Variants in TTC7B observed in about 807,000 individuals in gnomAD.
TTC7B encodes tetratricopeptide repeat domain 7B, also known as tetratricopeptide repeat protein 7B.
A neutral mutation model predicts 106.8 loss-of-function variants in TTC7B; 28 were observed. That is an observed-to-expected ratio of 0.26 (90% CI 0.19 to 0.36). The LOEUF (loss-of-function observed/expected upper bound fraction) is 0.36. TTC7B is among the 10% of genes least tolerant of loss of function. TTC7B has a pLI of 1.00. For missense variants in TTC7B, 862 were observed against 1,076.4 expected (o/e 0.80, Z 2.79); for synonymous variants, 405 against 430.6 (o/e 0.94, Z 0.74).
intron 5 of TTC7B, among the ~76,000 whole-genome samples, chr14:90,703,606 C>T (rs1252592110): frequency 6.6e-6 from 1 of 152,180 alleles, no homozygotes; most frequent in Non-Finnish European, 1.5e-5. Flanking sequence ...AAGACCATTA[C>T]ATGTGCAGGG....
At chr14:90,679,262 C>T (rs575345860) in intron 8 of TTC7B, among the ~76,000 whole-genome samples, 11 of 152,218 alleles carry the variant, frequency 7.2e-5, no homozygotes, top group Non-Finnish European at 1.5e-4. Flanking sequence ...TTGTAAACAT[C>T]AGTGGACCAT....
chr14:90,636,426 G>A (rs1884945062), intron 15 of TTC7B, among the ~76,000 whole-genome samples: 2 of 80,474 alleles, frequency 2.5e-5, no homozygotes, highest in South Asian at 6.3e-4. Flanking sequence ...TAACGATGTG[G>A]TAAAAAAAAA....
In TTC7B at chr14:90,537,375, G is replaced by GGGC. The variant is rs60255117; in HGVS notation, c.*3992_*3993insGCC. The GGGC allele has an allele frequency of 0.67, 90,468 of 135,226 alleles. 31,284 individuals carry two copies. The highest frequency in any genetic ancestry group is 0.76 in the South Asian group (3,304 of 4,338). 8.4% of individuals were successfully genotyped at this position (135,226 alleles called of 1,614,324 possible). The stretch of plus-strand genomic sequence containing the variant: ...CTATTTTTTTTTTTTTGTAGAGATG[G>GGGC]GGGGGGGGTCTCACCATGTTGCCCA... On this transcript the variant is annotated 3_prime_UTR_variant, in exon 20 of 20. Transcript: ENST00000328459.
rs556472307 is a variant in TTC7B at position 90,759,896 on chromosome 14, G to A, written c.446-14974C>T. On this transcript the variant is annotated intron_variant, in intron 3 of 19. Coordinates refer to ENST00000328459, the MANE Select transcript of TTC7B (RefSeq NM_001010854.2). The surrounding 1 kb of genome is among the most constrained non-coding windows in gnomAD (Gnocchi z 4.1). ...TGCAGCAGGCACTGTTGTCCCTGGC[G>A]CACATGCAGGGAGATAAAGCAGGCA... Among the ~76,000 whole-genome samples the A allele has an allele frequency of 3.3e-5, 5 of 152,302 alleles. No homozygotes were observed. The highest frequency in any genetic ancestry group is 2.1e-4 in the South Asian group (1 of 4,826).
intron 9 of TTC7B, among the ~76,000 whole-genome samples, chr14:90,674,379 A>G (rs895043102): frequency 6.6e-6 from 1 of 152,198 alleles, no homozygotes; most frequent in African/African-American, 2.4e-5. Context: ...TACAACATCG[A>G]CCGTTTTAGT....
intron 6 of TTC7B, among the ~76,000 whole-genome samples, chr14:90,694,509 G>A (rs894673334): frequency 6.0e-5 from 9 of 149,394 alleles, no homozygotes; most frequent in South Asian, 2.1e-4. Context: ...TATATGTCAC[G>A]TAAATATCCA....
Position 90,541,412 on chromosome 14 carries a change from T to C in TTC7B, c.2488A>G (p.Ser830Gly). ...CFLTALELEASSPAVPFTIIP... is the reference protein window; with the variant it reads ...CFLTALELEAGSPAVPFTIIP... The stretch of plus-strand genomic sequence containing the variant: ...ATGGTGAAGGGCACGGCGGGGCTGC[T>C]GGCCTCCAGCTCCAAGGCTGTCAGG... The change falls in exon 20 of 20, where the codon AGC becomes GGC. Residue 830 changes from serine (S) to glycine (G), a missense_variant. Ser to Gly is a moderately conservative substitution (Grantham distance 56). Transcript: ENST00000328459. 1 of 1,611,340 alleles carries C rather than the reference T, an allele frequency of 6.2e-7. No homozygotes were observed. The highest frequency in any genetic ancestry group is 1.7e-5 in the Admixed American group (1 of 59,792).
At chr14:90,735,080 C>T (rs1158291209) in intron 4 of TTC7B, among the ~76,000 whole-genome samples, 1 of 152,162 alleles carries the variant, frequency 6.6e-6, no homozygotes, top group African/African-American at 2.4e-5. Flanking sequence ...CACTTAAGGG[C>T]AGGCTCTGTG....
Position 90,676,507 on chromosome 14 carries a change from G to C in TTC7B, c.1152+16C>G, listed in dbSNP as rs1886845295. ...CCACCCACCACCTGGATGTCAACCAGACTCAGCAGCTGTACCTCTGACAGC... is the reference window on the plus strand; with the variant it reads ...CCACCCACCACCTGGATGTCAACCACACTCAGCAGCTGTACCTCTGACAGC... On this transcript the variant is annotated intron_variant, in intron 9 of 19. Transcript: ENST00000328459. 5 of 1,612,588 alleles carry C rather than the reference G, an allele frequency of 3.1e-6. No individual in the cohort carries two copies. The highest frequency in any genetic ancestry group is 1.1e-5 in the South Asian group (1 of 90,978).
chr14:90,737,546 G>GTTTTTTT (rs71461922), intron 4 of TTC7B, among the ~76,000 whole-genome samples: 43 of 91,770 alleles, frequency 4.7e-4, no homozygotes, highest in South Asian at 2.2e-3. Flanking sequence ...GTATGATTCT[G>GTTTTTTT]TTTTTTTTTT....
chr14:90,644,269 A>C, intron 14 of TTC7B, 61 bp from the exon 15 acceptor site: 1 of 1,321,504 alleles, frequency 7.6e-7, no homozygotes, highest in Non-Finnish European at 1.0e-6. Flanking sequence ...ACACACACAC[A>C]CACACACACA....
chr14:90,664,698 C>T (rs544247186), intron 9 of TTC7B, among the ~76,000 whole-genome samples: 6 of 152,298 alleles, frequency 3.9e-5, no homozygotes, highest in South Asian at 2.1e-4. Flanking sequence ...AAGCCCAGCT[C>T]GCAGGGCGTG....
At chr14:90,559,535 C>T (rs906540118) in intron 19 of TTC7B, among the ~76,000 whole-genome samples, 2 of 152,138 alleles carry the variant, frequency 1.3e-5, no homozygotes, top group Admixed American at 6.5e-5. Flanking sequence ...GAAAAGTAGG[C>T]CCTTTCCTTC....
At chr14:90,595,598 G>C (rs1892169741) in intron 17 of TTC7B, among the ~76,000 whole-genome samples, 1 of 152,166 alleles carries the variant, frequency 6.6e-6, no homozygotes, top group South Asian at 2.1e-4. Context: ...TAGTAGCAAT[G>C]AAAGTTAAAT....
intron 15 of TTC7B, among the ~76,000 whole-genome samples, chr14:90,632,328 T>G (rs1884736342): frequency 6.6e-6 from 1 of 152,228 alleles, no homozygotes; most frequent in Non-Finnish European, 1.5e-5. Context: ...CAAAATTGTT[T>G]TAATCACTAA....
At chr14:90,782,592 CTG>C (rs1024884334) in intron 2 of TTC7B, among the ~76,000 whole-genome samples, 2 of 152,090 alleles carry the variant, frequency 1.3e-5, no homozygotes, top group Middle Eastern at 3.2e-3. Context: ...GAGCGAGACT[CTG>C]TCTCAAAAAA....
chr14:90,595,831 G>A (rs1481092921), intron 17 of TTC7B, among the ~76,000 whole-genome samples: 5 of 152,160 alleles, frequency 3.3e-5, no homozygotes, highest in South Asian at 4.1e-4. Flanking sequence ...CCAATGTGCC[G>A]CTAAGACTGA....
In TTC7B at chr14:90,647,030, A is replaced by C; in HGVS notation, c.1518-7T>G. ...GGGTGACAGGCTGTGGGCCCTGAAAAAGTATTTACGGCTATTAGTACATGG... is the reference window on the plus strand; with the variant it reads ...GGGTGACAGGCTGTGGGCCCTGAAACAGTATTTACGGCTATTAGTACATGG... On this transcript the variant is annotated splice_polypyrimidine_tract_variant and splice_region_variant and intron_variant, in intron 13 of 19. Coordinates refer to ENST00000328459, the MANE Select transcript of TTC7B (RefSeq NM_001010854.2). 1.9e-6 allele frequency: 3 copies of C among 1,614,096 alleles called. No homozygotes were observed. In the South Asian group the frequency reaches 3.3e-5, roughly 18 times the overall value.
At chr14:90,564,597 G>T (rs1890712990) in intron 19 of TTC7B, among the ~76,000 whole-genome samples, 1 of 152,194 alleles carries the variant, frequency 6.6e-6, no homozygotes, top group African/African-American at 2.4e-5. Flanking sequence ...CCAATAGGAG[G>T]CTGTTTCATC....
Sources: gnomAD v4.1 joint callset for allele counts (sites outside exome capture counted in the v4.1 genomes callset) on GRCh38, gnomAD v4.1.1 for gene constraint, Gnocchi (gnomAD v3.1) non-coding constraint, MANE v1.5 for transcripts, NCBI Gene and HGNC (gene_info 2026-07-23, HGNC 2026-07-21) for gene names.